Variants in DSCAM observed in about 807,000 individuals in gnomAD.
DSCAM encodes the protein cell adhesion molecule DSCAM.
In DSCAM, 47 loss-of-function variants were observed where a neutral mutation model predicts 217.7. The ratio of observed to expected loss-of-function variants is 0.22; its 90% CI spans 0.17 to 0.28. The LOEUF is 0.28. Ranked by LOEUF, DSCAM falls within the 10% of genes least tolerant of loss-of-function variation. DSCAM has a pLI of 1.00. For synonymous variants in DSCAM, 1,056 were observed against 1,015.3 expected, an observed-to-expected ratio of 1.04 and a Z score of -0.76; for missense variants, 2,080 against 2,618.3, an observed-to-expected ratio of 0.79 and a Z score of 4.49.
chr21:40,488,549 A>T (rs930318826), intron 3 of DSCAM, among the ~76,000 whole-genome samples: 40 of 152,122 alleles, frequency 2.6e-4, no homozygotes, highest in African/African-American at 9.2e-4. Context: ...ACAGAGTGAC[A>T]CATGCACAGT....
chr21:40,414,241 A>G (rs2075349681), intron 3 of DSCAM, among the ~76,000 whole-genome samples: 1 of 152,224 alleles, frequency 6.6e-6, no homozygotes, highest in Admixed American at 6.5e-5. Flanking sequence ...ATGATAAGGG[A>G]CCGGTATCTA....
chr21:40,727,664 T>A (rs948711174), intron 1 of DSCAM, among the ~76,000 whole-genome samples: 3 of 152,122 alleles, frequency 2.0e-5, no homozygotes, highest in Non-Finnish European at 2.9e-5. Context: ...TGGTGCCCAA[T>A]GGGTCTCTCT....
chr21:40,268,933 A>G (rs1386930813), intron 11 of DSCAM, among the ~76,000 whole-genome samples: 4 of 152,108 alleles, frequency 2.6e-5, no homozygotes, highest in African/African-American at 7.2e-5. Flanking sequence ...GAGTGCTGCC[A>G]TCCACCTTCA....
intron 11 of DSCAM, among the ~76,000 whole-genome samples, chr21:40,257,786 T>G (rs1207599797): frequency 6.6e-6 from 1 of 152,176 alleles, no homozygotes; most frequent in African/African-American, 2.4e-5. Context: ...TTTTTTCTCC[T>G]GGCTTCAATA....
At chr21:40,111,993 A>G (rs2089905032) in intron 20 of DSCAM, among the ~76,000 whole-genome samples, 1 of 152,038 alleles carries the variant, frequency 6.6e-6, no homozygotes, top group Non-Finnish European at 1.5e-5. Context: ...TACTGTCAAC[A>G]TTAGACAGAT....
At chr21:40,399,269 C>CACAAA (rs74879612) in intron 3 of DSCAM, among the ~76,000 whole-genome samples, 11,123 of 150,218 alleles carry the variant, frequency 0.074, 458 homozygotes, top group East Asian at 0.14. Flanking sequence ...GACCCTGTCT[C>CACAAA]ACAAAACAAA....
At chr21:40,737,209 G>C (rs1425969433) in intron 1 of DSCAM, among the ~76,000 whole-genome samples, 1 of 152,104 alleles carries the variant, frequency 6.6e-6, no homozygotes, top group Non-Finnish European at 1.5e-5. Flanking sequence ...TAAAAGGCAG[G>C]CTTTAATTTC....
chr21:40,577,407 C>T (rs61282077), intron 3 of DSCAM, among the ~76,000 whole-genome samples: 5,750 of 152,030 alleles, frequency 0.038, 310 homozygotes, highest in African/African-American at 0.12. Context: ...CGCTCTCCTC[C>T]GGAAGACGGT....
At chr21:40,613,317 T>C (rs749595653) in intron 3 of DSCAM, among the ~76,000 whole-genome samples, 10 of 152,214 alleles carry the variant, frequency 6.6e-5, no homozygotes, top group Non-Finnish European at 1.5e-4. Flanking sequence ...CATTTGTCTA[T>C]GGTTTGTGCA....
In DSCAM at chr21:40,042,592, T is replaced by C. The variant is rs2088773027; in HGVS notation, c.5465A>G (p.Lys1822Arg). 6.2e-7 allele frequency: 1 copy of C among 1,614,090 alleles called. No homozygotes were observed. Among genetic ancestry groups the C allele is most frequent in the Non-Finnish European group, 8.5e-7 (1 of 1,180,040 alleles). Residue 1822 changes from lysine (K) to arginine (R), a missense_variant, in exon 32 of 33, where the codon AAG (lysine) becomes AGG (arginine). Around this residue, in one of 5 missense-constraint regions of DSCAM, gnomAD observed 1,144 missense variants for 1,421.1 expected, o/e 0.81. Transcript: ENST00000400454. ...GGCGTGCCTCAGTTGCTCTTCCATC[T>C]TGGCGTGTTCGTAGGCCCTGGCCAG... ...EELARAYEHA[K>R]MEEQLRHAKF...
intron 3 of DSCAM, among the ~76,000 whole-genome samples, chr21:40,567,313 G>A (rs2076772240): frequency 6.6e-6 from 1 of 152,162 alleles, no homozygotes; most frequent in Non-Finnish European, 1.5e-5. Context: ...AAGGTAGCTA[G>A]CTGCTTAATG....
intron 11 of DSCAM, among the ~76,000 whole-genome samples, chr21:40,255,508 C>T (rs746372494): frequency 1.4e-4 from 21 of 152,200 alleles, no homozygotes; most frequent in Non-Finnish European, 2.9e-4. Context: ...AGGTATTCTG[C>T]TGATGGAATG....
intron 1 of DSCAM, among the ~76,000 whole-genome samples, chr21:40,823,302 A>C (rs998984077): frequency 2.6e-5 from 4 of 151,934 alleles, no homozygotes; most frequent in South Asian, 4.2e-4. Flanking sequence ...ATAAAAAAAA[A>C]CCATTAAGCT....
intron 3 of DSCAM, among the ~76,000 whole-genome samples, chr21:40,684,406 A>G (rs745954145): frequency 1.3e-5 from 2 of 152,034 alleles, no homozygotes; most frequent in Non-Finnish European, 2.9e-5. Context: ...GGTTTACTCC[A>G]TCCTGCCCCA....
chr21:40,161,424 A>T (rs962193826), intron 16 of DSCAM, among the ~76,000 whole-genome samples: 1 of 82,828 alleles, frequency 1.2e-5, no homozygotes, highest in Non-Finnish European at 2.7e-5. Context: ...TTTTTTTTTA[A>T]AAGCACCACC....
intron 3 of DSCAM, among the ~76,000 whole-genome samples, chr21:40,373,976 T>C (rs2074924898): frequency 6.6e-6 from 1 of 152,222 alleles, no homozygotes; most frequent in Admixed American, 6.5e-5. Flanking sequence ...CAGATAGTCA[T>C]GCATCTACTG....
intron 28 of DSCAM, among the ~76,000 whole-genome samples, chr21:40,057,873 CTTTTTTTTT>C (rs71186913): frequency 1.9e-5 from 2 of 107,232 alleles, no homozygotes. Flanking sequence ...TCACTGCAGT[CTTTTTTTTT>C]TTTTTTTTTT....
At chr21:40,318,154 C>G (rs1216037470) in intron 8 of DSCAM, among the ~76,000 whole-genome samples, 11 of 124,854 alleles carry the variant, frequency 8.8e-5, no homozygotes, top group East Asian at 2.3e-4. Context: ...ATGGACACAG[C>G]AAGGGGAACA....
At chr21:40,039,786 G>A (rs753494614) in intron 32 of DSCAM, among the ~76,000 whole-genome samples, 9 of 152,110 alleles carry the variant, frequency 5.9e-5, no homozygotes, top group Non-Finnish European at 1.0e-4. Flanking sequence ...GAATTTCAAA[G>A]TCTGGGGATC....
Sources: gnomAD v4.1 joint callset for allele counts (sites outside exome capture counted in the v4.1 genomes callset) on GRCh38, gnomAD v4.1.1 for gene constraint, gnomAD v4.1.1 regional missense constraint, MANE v1.5 for transcripts, NCBI Gene and HGNC (gene_info 2026-07-23, HGNC 2026-07-21) for gene names.